PPARGC1A: variants seen among roughly 807,000 people sequenced by gnomAD.
The protein encoded by PPARGC1A is PPARG coactivator 1 alpha.
PPARGC1A carries 25 observed loss-of-function variants against 88.7 expected under a neutral mutation model. That is an observed-to-expected ratio of 0.28 (90% CI 0.21 to 0.39). The LOEUF is 0.39. Ranked by LOEUF, PPARGC1A falls within the 10% of genes least tolerant of loss-of-function variation. The pLI is 1.00. For missense variants in PPARGC1A, 880 were observed against 968.7 expected (o/e 0.91, Z 1.22); for synonymous variants, 363 against 355.6 (o/e 1.02, Z -0.24).
At chr4:24,133,362 G>T in the PPARGC1A span, among the ~76,000 whole-genome samples, 3 of 152,104 alleles carry the variant, frequency 2.0e-5, no homozygotes, top group Non-Finnish European at 4.4e-5. Flanking sequence ...TCTAGTCATG[G>T]GTTTTATCTT....
chr4:24,370,515 G>A, the PPARGC1A span, among the ~76,000 whole-genome samples: 1 of 152,110 alleles, frequency 6.6e-6, no homozygotes, highest in African/African-American at 2.4e-5. Flanking sequence ...TTAAGTTGGA[G>A]TCCCATTCTT....
At chr4:24,071,345 A>G in the PPARGC1A span, among the ~76,000 whole-genome samples, 1 of 152,166 alleles carries the variant, frequency 6.6e-6, no homozygotes, top group African/African-American at 2.4e-5. Context: ...TCATCTAATG[A>G]CAAACTAAAG....
At chr4:23,845,246 A>G (rs1728115699) in intron 2 of PPARGC1A, among the ~76,000 whole-genome samples, 1 of 152,092 alleles carries the variant, frequency 6.6e-6, no homozygotes, top group South Asian at 2.1e-4. Flanking sequence ...TGTAAGGAAG[A>G]ATAATTTCCT....
the PPARGC1A span, among the ~76,000 whole-genome samples, chr4:23,936,172 T>A: frequency 6.6e-6 from 1 of 152,198 alleles, no homozygotes; most frequent in Admixed American, 6.5e-5. Context: ...ATCAATACAA[T>A]AAGTAAGATG....
chr4:24,416,821 A>T, the PPARGC1A span, among the ~76,000 whole-genome samples: 1 of 152,270 alleles, frequency 6.6e-6, no homozygotes, highest in South Asian at 2.1e-4. Context: ...ACCTGAGGTG[A>T]GGAGTTTGAG....
At chr4:24,174,540 T>C in the PPARGC1A span, among the ~76,000 whole-genome samples, 3 of 152,208 alleles carry the variant, frequency 2.0e-5, no homozygotes, top group African/African-American at 7.2e-5. Context: ...GCTAGGAAAC[T>C]TCCCACTGTA....
chr4:24,311,795 G>A, the PPARGC1A span, among the ~76,000 whole-genome samples: 3 of 151,902 alleles, frequency 2.0e-5, no homozygotes, highest in Admixed American at 1.3e-4. Context: ...ACAGAGTCTC[G>A]GTGCCATGTG....
At chr4:24,364,262 G>A in the PPARGC1A span, among the ~76,000 whole-genome samples, 1 of 152,170 alleles carries the variant, frequency 6.6e-6, no homozygotes, top group Non-Finnish European at 1.5e-5. Context: ...ACCATATAAA[G>A]GGATTTTCTG....
At chr4:24,076,036 G>C in the PPARGC1A span, among the ~76,000 whole-genome samples, 3 of 152,124 alleles carry the variant, frequency 2.0e-5, no homozygotes, top group Non-Finnish European at 2.9e-5. Context: ...GCCAGGTAAT[G>C]TAATTTTAAC....
At chr4:24,205,644 C>T in the PPARGC1A span, among the ~76,000 whole-genome samples, 1 of 152,042 alleles carries the variant, frequency 6.6e-6, no homozygotes, top group Non-Finnish European at 1.5e-5. Context: ...TGCACACACC[C>T]ACACGCTCCG....
the PPARGC1A span, among the ~76,000 whole-genome samples, chr4:24,027,229 G>GTGTGTGTGTC: frequency 7.7e-5 from 11 of 143,268 alleles, no homozygotes; most frequent in African/African-American, 1.8e-4. Context: ...CTGTGTGTCT[G>GTGTGTGTGTC]TGTGTGTCTG....
chr4:24,195,414 G>A, the PPARGC1A span, among the ~76,000 whole-genome samples: 1 of 152,148 alleles, frequency 6.6e-6, no homozygotes, highest in East Asian at 1.9e-4. Flanking sequence ...CACTGCAAAG[G>A]TGAGATGATG....
Position 23,849,908 on chromosome 4 carries a change from C to T in PPARGC1A, c.235-18157G>A, listed in dbSNP as rs375999679. ...GTCCTCATGATGTTTACAGAATCCT[C>T]GCTGCACGGTACAGTCATTAGTCTG... On this transcript the variant is annotated intron_variant, in intron 2 of 12. Transcript: ENST00000264867. Among the ~76,000 whole-genome samples, 7 of 150,588 alleles carry T rather than the reference C, an allele frequency of 4.6e-5. No homozygotes were observed. The South Asian group carries it at 1.3e-3, about 27-fold the overall frequency.
At chr4:24,083,740 A>G in the PPARGC1A span, among the ~76,000 whole-genome samples, 1 of 152,166 alleles carries the variant, frequency 6.6e-6, no homozygotes, top group East Asian at 1.9e-4. Context: ...TCCATCCCAC[A>G]TGCTTCTTCT....
At chr4:24,212,784 T>C in the PPARGC1A span, among the ~76,000 whole-genome samples, 1 of 152,330 alleles carries the variant, frequency 6.6e-6, no homozygotes, top group South Asian at 2.1e-4. Context: ...CACTAAGCAC[T>C]TGGCAGCCCA....
chr4:24,108,996 T>TCACACACA, the PPARGC1A span, among the ~76,000 whole-genome samples: 2 of 139,200 alleles, frequency 1.4e-5, no homozygotes, highest in Non-Finnish European at 3.2e-5. Context: ...GCTATAAAAA[T>TCACACACA]CACACACACA....
the PPARGC1A span, among the ~76,000 whole-genome samples, chr4:24,452,264 A>C: frequency 4.1e-5 from 6 of 147,248 alleles, no homozygotes; most frequent in African/African-American, 1.5e-4. Context: ...CCCACACACA[A>C]ACACACACAC....
the PPARGC1A span, among the ~76,000 whole-genome samples, chr4:24,122,430 T>C: frequency 3.6e-5 from 5 of 140,510 alleles, no homozygotes; most frequent in South Asian, 2.3e-4. Flanking sequence ...TATATATATA[T>C]ATATATAGAG....
the PPARGC1A span, among the ~76,000 whole-genome samples, chr4:24,044,235 G>GA: frequency 6.6e-6 from 1 of 152,278 alleles, no homozygotes; most frequent in Admixed American, 6.5e-5. Flanking sequence ...CAGCTTTCCT[G>GA]AGCATTCACT....
Sources: allele counts gnomAD v4.1 joint callset (sites outside exome capture counted in the v4.1 genomes callset), GRCh38; gene constraint gnomAD v4.1.1; transcripts MANE v1.5; gene names NCBI Gene and HGNC (gene_info 2026-07-23, HGNC 2026-07-21).